The following CCDC148 variants were observed in gnomAD, a reference collection of about 807,000 sequenced individuals.
CCDC148 encodes coiled-coil domain-containing protein 148.
A neutral mutation model predicts 85.7 loss-of-function variants in CCDC148; 89 were observed. That is an observed-to-expected ratio of 1.04 (90% CI 0.87 to 1.24). The LOEUF (loss-of-function observed/expected upper bound fraction) is 1.24. CCDC148 is among the 50% of genes most tolerant of loss of function. The pLI, the probability that CCDC148 is intolerant of heterozygous loss-of-function variation, is 0.00. For missense variants in CCDC148, 692 were observed against 671.7 expected (o/e 1.03, Z -0.33); for synonymous variants, 230 against 213.9 (o/e 1.08, Z -0.66).
chr2:158,280,814 C>G (rs1377392754), intron 9 of CCDC148, among the ~76,000 whole-genome samples: 1 of 152,156 alleles, frequency 6.6e-6, no homozygotes, highest in Non-Finnish European at 1.5e-5. Flanking sequence ...CCCAAATGAA[C>G]AGAATATACA....
intron 11 of CCDC148, among the ~76,000 whole-genome samples, chr2:158,214,325 C>T (rs540255865): frequency 4.6e-5 from 7 of 152,212 alleles, no homozygotes; most frequent in Admixed American, 4.6e-4. Flanking sequence ...TGAAACTTAC[C>T]TGTGGCAAGC....
At chr2:158,398,678 A>T (rs1180723737) in intron 1 of CCDC148, among the ~76,000 whole-genome samples, 1 of 152,170 alleles carries the variant, frequency 6.6e-6, no homozygotes, top group Non-Finnish European at 1.5e-5. Flanking sequence ...AGCAGGAAAG[A>T]TCTAAAATCG....
intron 1 of CCDC148, among the ~76,000 whole-genome samples, chr2:158,437,254 C>T (rs891055842): frequency 8.5e-5 from 13 of 152,282 alleles, no homozygotes; most frequent in African/African-American, 3.1e-4. Flanking sequence ...CCGAATCCAG[C>T]AGCACATCAA....
At chr2:158,211,486 G>C (rs1686575157) in intron 11 of CCDC148, among the ~76,000 whole-genome samples, 1 of 152,154 alleles carries the variant, frequency 6.6e-6, no homozygotes, top group Non-Finnish European at 1.5e-5. Context: ...ACCTTTACCA[G>C]ACACATACCT....
At chr2:158,423,020 C>T (rs777709536) in intron 1 of CCDC148, among the ~76,000 whole-genome samples, 1 of 152,122 alleles carries the variant, frequency 6.6e-6, no homozygotes, top group Non-Finnish European at 1.5e-5. Context: ...ATCCAACTTA[C>T]AAGGGACATA....
chr2:158,402,455 A>G (rs1378005622), intron 1 of CCDC148, among the ~76,000 whole-genome samples: 1 of 151,882 alleles, frequency 6.6e-6, no homozygotes, highest in East Asian at 1.9e-4. Context: ...AAGGTATATC[A>G]AAACCTGGAC....
At chr2:158,270,834 A>G (rs531844842) in intron 9 of CCDC148, among the ~76,000 whole-genome samples, 1 of 152,292 alleles carries the variant, frequency 6.6e-6, no homozygotes, top group African/African-American at 2.4e-5. Flanking sequence ...AAGCACTCTT[A>G]GTATTTTCAA....
intron 9 of CCDC148, among the ~76,000 whole-genome samples, chr2:158,266,044 C>T (rs1689437720): frequency 2.0e-5 from 3 of 152,162 alleles, no homozygotes. Context: ...ACTGGTTCTC[C>T]ACTTTCAGAT....
chr2:158,377,964 T>C (rs1684723958), intron 1 of CCDC148, among the ~76,000 whole-genome samples: 2 of 152,120 alleles, frequency 1.3e-5, no homozygotes, highest in Admixed American at 6.6e-5. Flanking sequence ...TTAGGCTAAT[T>C]AATAACCCTA....
intron 9 of CCDC148, among the ~76,000 whole-genome samples, chr2:158,280,119 G>A (rs902000201): frequency 3.3e-5 from 5 of 152,088 alleles, no homozygotes; most frequent in East Asian, 1.9e-4. Context: ...AAGAGCTCCT[G>A]AAGGAAGCAC....
chr2:158,312,006 T>C (rs1053107625), intron 8 of CCDC148, among the ~76,000 whole-genome samples: 2 of 152,138 alleles, frequency 1.3e-5, no homozygotes, highest in African/African-American at 4.8e-5. Flanking sequence ...TCTTCCAAAA[T>C]TGAGAGTCAC....
intron 1 of CCDC148, among the ~76,000 whole-genome samples, chr2:158,360,725 G>A (rs1023548859): frequency 6.6e-6 from 1 of 152,260 alleles, no homozygotes; most frequent in Non-Finnish European, 1.5e-5. Flanking sequence ...GGAGAAGCCA[G>A]TGCAAAAAGG....
intron 11 of CCDC148, among the ~76,000 whole-genome samples, chr2:158,180,899 A>G (rs1406600860): frequency 2.6e-5 from 4 of 152,150 alleles, no homozygotes; most frequent in Admixed American, 2.6e-4. Flanking sequence ...TGCCAAAATC[A>G]GGAGTCAATA....
chr2:158,222,374 T>C lies in CCDC148; in HGVS notation c.1252-1661A>G, dbSNP rs957202414. Among the ~76,000 whole-genome samples, 12 of 152,238 alleles carry C rather than the reference T, an allele frequency of 7.9e-5. No individual in the cohort carries two copies. The South Asian group carries it at 1.9e-3, about 24-fold the overall frequency. ...AGGCGTATGTTATACCTGGAGCTTT[T>C]TGCAATCTCAAGACCAGTTATTTCC... On this transcript the variant is annotated intron_variant, in intron 10 of 13. Coordinates refer to ENST00000283233, the MANE Select transcript of CCDC148 (RefSeq NM_138803.4).
intron 1 of CCDC148, among the ~76,000 whole-genome samples, chr2:158,391,446 GA>G (rs200785307): frequency 0.015 from 2,312 of 152,230 alleles, 26 homozygotes; most frequent in Middle Eastern, 0.078. Context: ...CCCAAGTAAT[GA>G]GACTTTATAC....
intron 7 of CCDC148, among the ~76,000 whole-genome samples, chr2:158,332,879 TCC>T (rs1384461403): frequency 1.4e-5 from 1 of 70,038 alleles, no homozygotes; most frequent in Admixed American, 1.6e-4. Context: ...AGTGGTGATA[TCC>T]CCTATAACAT....
chr2:158,446,283 T>C (rs1397975481), intron 1 of CCDC148, among the ~76,000 whole-genome samples: 2 of 152,074 alleles, frequency 1.3e-5, no homozygotes, highest in African/African-American at 4.8e-5. Flanking sequence ...CCCCAGGAGT[T>C]TGAGGCTGCA....
chr2:158,187,529 G>C (rs1685211880), intron 11 of CCDC148, among the ~76,000 whole-genome samples: 2 of 151,954 alleles, frequency 1.3e-5, no homozygotes, highest in African/African-American at 4.8e-5. Flanking sequence ...TCTGGCCTCT[G>C]TCCACTCCAC....
intron 9 of CCDC148, among the ~76,000 whole-genome samples, chr2:158,278,377 G>A (rs552569263): frequency 3.9e-4 from 60 of 152,270 alleles, no homozygotes; most frequent in Non-Finnish European, 6.6e-4. Context: ...CCTAGTCAAA[G>A]AAAGGGGTGA....
Sources: gnomAD v4.1 joint callset for allele counts (sites outside exome capture counted in the v4.1 genomes callset) on GRCh38, gnomAD v4.1.1 for gene constraint, MANE v1.5 for transcripts, NCBI Gene and HGNC (gene_info 2026-07-23, HGNC 2026-07-21) for gene names.